CNTNAP2: variants seen among roughly 807,000 people sequenced by gnomAD.
The protein encoded by CNTNAP2 is contactin-associated protein-like 2.
Under a neutral mutation model 155.2 loss-of-function variants are expected in CNTNAP2, and 98 were observed. That is an observed-to-expected ratio of 0.63 (90% CI 0.54 to 0.75). The LOEUF (loss-of-function observed/expected upper bound fraction) is 0.75. Ranked by LOEUF, CNTNAP2 falls within the 30% of genes least tolerant of loss-of-function variation. The pLI, the probability that CNTNAP2 is intolerant of heterozygous loss-of-function variation, is 0.00. For synonymous variants in CNTNAP2, 651 were observed against 631.2 expected (o/e 1.03, Z -0.47); for missense variants, 1,727 against 1,688.1 (o/e 1.02, Z -0.40).
intron 14 of CNTNAP2, among the ~76,000 whole-genome samples, chr7:147,950,264 T>C (rs1800901588): frequency 6.8e-6 from 1 of 147,608 alleles, no homozygotes; most frequent in South Asian, 2.1e-4. Flanking sequence ...ATTCATACAG[T>C]TGGCTAGCAC....
intron 3 of CNTNAP2, among the ~76,000 whole-genome samples, chr7:146,862,308 C>T (rs985355606): frequency 1.3e-5 from 2 of 152,042 alleles, no homozygotes; most frequent in African/African-American, 2.4e-5. Context: ...ATAAAAAGAG[C>T]TGTAGCATTT....
At chr7:147,717,720 A>T (rs998047687) in intron 13 of CNTNAP2, among the ~76,000 whole-genome samples, 7 of 152,106 alleles carry the variant, frequency 4.6e-5, no homozygotes, top group South Asian at 2.1e-4. Flanking sequence ...AGGAGAATTT[A>T]AAAAAGCAAA....
At chr7:147,739,107 A>G (rs983867996) in intron 13 of CNTNAP2, among the ~76,000 whole-genome samples, 1 of 20,066 alleles carries the variant, frequency 5.0e-5, no homozygotes, top group Non-Finnish European at 2.2e-4. Flanking sequence ...AATTACAGCT[A>G]TTAATCTCCT....
At chr7:146,722,787 C>T (rs1250110251) in intron 1 of CNTNAP2, among the ~76,000 whole-genome samples, 9 of 151,934 alleles carry the variant, frequency 5.9e-5, no homozygotes, top group Non-Finnish European at 8.8e-5. Context: ...GAGGCCGAGG[C>T]GGATGGATTA....
At chr7:147,976,564 G>C (rs1326846179) in intron 14 of CNTNAP2, among the ~76,000 whole-genome samples, 1 of 152,156 alleles carries the variant, frequency 6.6e-6, no homozygotes, top group South Asian at 2.1e-4. Flanking sequence ...TGAAAACAAT[G>C]AAATAACTAA....
chr7:146,682,643 G>C (rs1164936057), intron 1 of CNTNAP2, among the ~76,000 whole-genome samples: 1 of 152,100 alleles, frequency 6.6e-6, no homozygotes, highest in Non-Finnish European at 1.5e-5. Flanking sequence ...TCAAGCAAAA[G>C]ATCTAATGTA....
intron 8 of CNTNAP2, among the ~76,000 whole-genome samples, chr7:147,276,231 T>C (rs966971353): frequency 6.6e-6 from 1 of 151,952 alleles, no homozygotes; most frequent in Admixed American, 6.6e-5. Flanking sequence ...TTAATTTTTT[T>C]TTTTTGGAAT....
chr7:148,394,954 A>G (rs1219096615), intron 22 of CNTNAP2, among the ~76,000 whole-genome samples: 2 of 151,850 alleles, frequency 1.3e-5, no homozygotes, highest in African/African-American at 4.8e-5. Context: ...GTCTAATTAG[A>G]TTTTCTTTCT....
At chr7:146,897,839 T>C (rs1191861738) in intron 3 of CNTNAP2, among the ~76,000 whole-genome samples, 1 of 152,122 alleles carries the variant, frequency 6.6e-6, no homozygotes, top group East Asian at 1.9e-4. Context: ...AATGTGTTTT[T>C]TTAAAAATAA....
At chr7:147,245,724 T>C (rs1804045993) in intron 8 of CNTNAP2, among the ~76,000 whole-genome samples, 1 of 122,360 alleles carries the variant, frequency 8.2e-6, no homozygotes, top group Non-Finnish European at 1.6e-5. Flanking sequence ...ATCATGCCAC[T>C]GCACTCCAGC....
At chr7:146,856,254 TGATAGATATAGATAG>T (rs935538189) in intron 3 of CNTNAP2, among the ~76,000 whole-genome samples, 7 of 143,216 alleles carry the variant, frequency 4.9e-5, no homozygotes, top group African/African-American at 1.8e-4. Flanking sequence ...GATAGATAGA[TGATAGATATAGATAG>T]ATAGATAGAT....
chr7:148,299,430 A>C (rs1797342970), intron 21 of CNTNAP2, among the ~76,000 whole-genome samples: 1 of 152,244 alleles, frequency 6.6e-6, no homozygotes, highest in African/African-American at 2.4e-5. Flanking sequence ...AGTTCTGATG[A>C]GCCAGGAAGG....
At chr7:147,011,634 G>A (rs937358998) in intron 3 of CNTNAP2, among the ~76,000 whole-genome samples, 1 of 128,562 alleles carries the variant, frequency 7.8e-6, no homozygotes, top group Non-Finnish European at 1.7e-5. Flanking sequence ...CTCCTATTCC[G>A]AGCCACTCAT....
chr7:148,386,132 T>C (rs1799188085), intron 22 of CNTNAP2, among the ~76,000 whole-genome samples: 2 of 152,316 alleles, frequency 1.3e-5, no homozygotes, highest in African/African-American at 4.8e-5. Context: ...CTATGTAACA[T>C]GAGATCCATT....
At chr7:147,707,395 G>T (rs1319189203) in intron 13 of CNTNAP2, among the ~76,000 whole-genome samples, 2 of 152,284 alleles carry the variant, frequency 1.3e-5, no homozygotes, top group South Asian at 2.1e-4. Context: ...TAGTATCAGT[G>T]GTGTCAGTGA....
At chr7:147,802,779 G>A (rs1454345273) in intron 13 of CNTNAP2, among the ~76,000 whole-genome samples, 2 of 146,168 alleles carry the variant, frequency 1.4e-5, no homozygotes, top group African/African-American at 2.5e-5. Context: ...AGGGGAGAGG[G>A]AGAGGGAGGG....
chr7:147,282,946 T>C (rs1356941997), intron 8 of CNTNAP2, among the ~76,000 whole-genome samples: 1 of 151,874 alleles, frequency 6.6e-6, no homozygotes, highest in Non-Finnish European at 1.5e-5. Flanking sequence ...TGATATCAAC[T>C]TGAAAACCCT....
intron 4 of CNTNAP2, among the ~76,000 whole-genome samples, chr7:147,072,762 G>C (rs999255303): frequency 1.3e-5 from 2 of 151,836 alleles, no homozygotes; most frequent in African/African-American, 4.8e-5. Context: ...CAGATTTAAA[G>C]AAAGGATCAC....
At chr7:148,345,253 C>G (rs1454662353) in intron 21 of CNTNAP2, among the ~76,000 whole-genome samples, 2 of 152,166 alleles carry the variant, frequency 1.3e-5, no homozygotes, top group African/African-American at 4.8e-5. Flanking sequence ...GGCAGACTTT[C>G]ATTCAAGGTA....
Sources: allele counts gnomAD v4.1 joint callset (sites outside exome capture counted in the v4.1 genomes callset), GRCh38; gene constraint gnomAD v4.1.1; transcripts MANE v1.5; gene names NCBI Gene and HGNC (gene_info 2026-07-23, HGNC 2026-07-21).